Variants in RAPGEF5 observed in about 807,000 individuals in gnomAD.
RAPGEF5 encodes the protein Rap guanine nucleotide exchange factor 5.
In RAPGEF5, 65 loss-of-function variants were observed where a neutral mutation model predicts 125.2. The ratio of observed to expected loss-of-function variants is 0.52; its 90% confidence interval spans 0.43 to 0.64. RAPGEF5 has a LOEUF of 0.64. Ranked by LOEUF, RAPGEF5 falls within the 30% of genes least tolerant of loss-of-function variation. The probability of loss-of-function intolerance (pLI) is 0.00; values close to 1 mark genes in which losing one functional copy is unlikely to be tolerated. For missense variants in RAPGEF5, 958 were observed against 1,048.1 expected (o/e 0.91, Z 1.19); for synonymous variants, 391 against 385.9 (o/e 1.01, Z -0.16).
intron 9 of RAPGEF5, among the ~76,000 whole-genome samples, chr7:22,201,275 A>G (rs547676418): frequency 1.3e-5 from 2 of 152,312 alleles, no homozygotes; most frequent in East Asian, 3.9e-4. Context: ...CCACCCTCTG[A>G]TCTCTTGCCG....
chr7:22,291,176 G>T lies in RAPGEF5; in HGVS notation c.746C>A (p.Ala249Glu). Residue 249 changes from alanine (A) to glutamate (E), a missense_variant and splice_region_variant, in exon 6 of 26, where the codon GCG (alanine) becomes GAG (glutamate). By Grantham distance (107) the Ala-to-Glu change is moderately radical. Coordinates refer to ENST00000665637, the MANE Select transcript of RAPGEF5 (RefSeq NM_012294.5). ...SDEILVRLTS[A>E]VQRELAAVIA... ...GGCAGGAAAATTGCATGGTCTTACC[G>T]CAGATGTTAGACGCACAAGAATTTC... 6.3e-7 allele frequency: 1 copy of T among 1,588,634 alleles called. No individual in the cohort carries two copies. Among genetic ancestry groups the T allele is most frequent in the Admixed American group, 1.8e-5 (1 of 56,164 alleles).
rs560230562 is a variant in RAPGEF5 at position 22,166,683 on chromosome 7, C to G, written c.1283+387G>C. Among the ~76,000 whole-genome samples the G allele has an allele frequency of 4.6e-5, 7 of 152,352 alleles. No homozygotes were observed. The South Asian group carries it at 1.4e-3, about 32-fold the overall frequency. On this transcript the variant is annotated intron_variant, in intron 12 of 25. Transcript: ENST00000665637. ...TATCACATATGTGCATTTTCCTTCACAAGTGGTCTGACACTTAACTGATTC... is the reference window on the plus strand; with the variant it reads ...TATCACATATGTGCATTTTCCTTCAGAAGTGGTCTGACACTTAACTGATTC...
chr7:22,314,295 G>A (rs1783541748), intron 3 of RAPGEF5, among the ~76,000 whole-genome samples: 1 of 152,132 alleles, frequency 6.6e-6, no homozygotes, highest in Non-Finnish European at 1.5e-5. Flanking sequence ...TCTGGATAGT[G>A]GCTAAATGGA....
At position 22,205,157 on chromosome 7, in the gene RAPGEF5, A is replaced by G. The variant is rs950280825; in HGVS notation, c.997-11124T>C. Among the ~76,000 whole-genome samples the G allele has an allele frequency of 5.3e-5, 8 of 152,212 alleles. 1 individual carries two copies. The highest frequency in any genetic ancestry group is 1.9e-4 in the African/African-American group (8 of 41,452). On this transcript the variant is annotated intron_variant, in intron 9 of 25. Transcript: ENST00000665637. ...TCACGTACAAACCTGCCCAGGTAAG[A>G]TCTTTGCTCCACAACCTGTGATCCA...
At chr7:22,218,583 C>T (rs1477931267) in intron 9 of RAPGEF5, among the ~76,000 whole-genome samples, 1 of 152,086 alleles carries the variant, frequency 6.6e-6, no homozygotes, top group Non-Finnish European at 1.5e-5. Context: ...AAAACTGTTG[C>T]TCATCTAATT....
intron 7 of RAPGEF5, among the ~76,000 whole-genome samples, chr7:22,232,987 T>A (rs1048671757): frequency 2.0e-5 from 3 of 152,204 alleles, no homozygotes; most frequent in African/African-American, 7.2e-5. Flanking sequence ...TTTCTTCTAT[T>A]TTTCAGAGAA....
At chr7:22,346,637 T>G (rs1784230271) in intron 1 of RAPGEF5, among the ~76,000 whole-genome samples, 1 of 152,186 alleles carries the variant, frequency 6.6e-6, no homozygotes, top group African/African-American at 2.4e-5. Context: ...GGTAAATGAT[T>G]TGACAAGGTC....
chr7:22,201,447 C>G (rs1785274375), intron 9 of RAPGEF5, among the ~76,000 whole-genome samples: 1 of 152,234 alleles, frequency 6.6e-6, no homozygotes, highest in South Asian at 2.1e-4. Context: ...TCACATTTCA[C>G]AGTTTCCAGA....
At chr7:22,200,468 G>A (rs1032641161) in intron 9 of RAPGEF5, among the ~76,000 whole-genome samples, 2 of 152,064 alleles carry the variant, frequency 1.3e-5, no homozygotes, top group Non-Finnish European at 1.5e-5. Context: ...ACGATACTCT[G>A]GCAGAAGGAG....
At chr7:22,202,594 G>GTACA (rs1354045713) in intron 9 of RAPGEF5, among the ~76,000 whole-genome samples, 1 of 152,166 alleles carries the variant, frequency 6.6e-6, no homozygotes, top group Non-Finnish European at 1.5e-5. Flanking sequence ...GTTTAACAAT[G>GTACA]TACACATCTT....
chr7:22,320,457 A>G (rs904032302), intron 1 of RAPGEF5, among the ~76,000 whole-genome samples: 7 of 152,196 alleles, frequency 4.6e-5, no homozygotes, highest in African/African-American at 1.7e-4. Context: ...AAGGACTGTT[A>G]CTTAATTTTA....
intron 6 of RAPGEF5, among the ~76,000 whole-genome samples, chr7:22,289,049 C>T (rs1782868646): frequency 6.6e-6 from 1 of 152,208 alleles, no homozygotes; most frequent in Non-Finnish European, 1.5e-5. Context: ...TCCTAATTAT[C>T]ATCTCCAAAT....
chr7:22,121,140 C>G lies in RAPGEF5; in HGVS notation c.*1266G>C, dbSNP rs1034609193. The G allele has an allele frequency of 8.1e-5, 12 of 148,584 alleles. No individual in the cohort carries two copies. The highest frequency in any genetic ancestry group is 2.7e-4 in the African/African-American group (11 of 40,140). The allele number at this position is 148,584 out of a possible 1,614,324, so 9.2% of individuals were successfully genotyped here. ...GTTGAAAGAAATCCTCTAACCAGTC[C>G]TTGAAAATATCAAGAGGTCTTATTT... On this transcript the variant is annotated 3_prime_UTR_variant, in exon 26 of 26. Transcript: ENST00000665637.
intron 7 of RAPGEF5, among the ~76,000 whole-genome samples, chr7:22,234,819 G>GCAAA (rs963249734): frequency 2.6e-5 from 4 of 151,550 alleles, no homozygotes; most frequent in Admixed American, 1.3e-4. Flanking sequence ...GTGCTAAAAT[G>GCAAA]CAAACAAACA....
At chr7:22,188,895 G>A (rs1583464515) in intron 11 of RAPGEF5, among the ~76,000 whole-genome samples, 1 of 151,216 alleles carries the variant, frequency 6.6e-6, no homozygotes, top group South Asian at 2.1e-4. Flanking sequence ...GAACAGTAAC[G>A]AACTCACTTT....
chr7:22,163,985 A>C (rs1393953475), intron 12 of RAPGEF5, among the ~76,000 whole-genome samples: 2 of 152,168 alleles, frequency 1.3e-5, no homozygotes, highest in African/African-American at 2.4e-5. Context: ...GGCAAACACA[A>C]AAAAAATCTG....
intron 6 of RAPGEF5, among the ~76,000 whole-genome samples, chr7:22,285,101 A>T (rs1388760725): frequency 1.3e-5 from 2 of 152,218 alleles, no homozygotes; most frequent in Admixed American, 1.3e-4. Flanking sequence ...AGCACCGTGG[A>T]GTACCAGTCG....
chr7:22,301,112 CG>C (rs1783188152), intron 5 of RAPGEF5, among the ~76,000 whole-genome samples: 1 of 152,082 alleles, frequency 6.6e-6, no homozygotes, highest in Admixed American at 6.5e-5. Flanking sequence ...TGAGGGGCCT[CG>C]GGTAGTTATT....
chr7:22,157,779 T>G, intron 15 of RAPGEF5, 76 bp downstream of exon 15: 5 of 1,480,342 alleles, frequency 3.4e-6, no homozygotes, highest in Non-Finnish European at 4.7e-6. Context: ...ATTTTAATTA[T>G]GAAACACGCC....
Sources: allele counts gnomAD v4.1 joint callset (sites outside exome capture counted in the v4.1 genomes callset), GRCh38; gene constraint gnomAD v4.1.1; transcripts MANE v1.5; gene names NCBI Gene and HGNC (gene_info 2026-07-23, HGNC 2026-07-21).